TMEM132D: variants seen among roughly 807,000 people sequenced by gnomAD.
The protein encoded by TMEM132D is mature OL transmembrane protein.
A neutral mutation model predicts 62.3 loss-of-function variants in TMEM132D; 21 were observed. The observed-to-expected ratio is 0.34, with a 90% confidence interval of 0.24 to 0.49. The LOEUF is 0.49. Among genes scored for constraint, TMEM132D ranks in the 20% least tolerant of loss-of-function variants. The pLI is 0.99. For synonymous variants in TMEM132D, 621 were observed against 575.6 expected, an observed-to-expected ratio of 1.08 and a Z score of -1.13; for missense variants, 1,346 against 1,402.8, an observed-to-expected ratio of 0.96 and a Z score of 0.65.
At chr12:129,628,334 G>A (rs1444903757) in intron 2 of TMEM132D, among the ~76,000 whole-genome samples, 1 of 152,184 alleles carries the variant, frequency 6.6e-6, no homozygotes, top group Non-Finnish European at 1.5e-5. Flanking sequence ...CTGAGTGACA[G>A]ATCCAAGGCA....
chr12:129,491,550 G>A (rs1345925317), intron 3 of TMEM132D, among the ~76,000 whole-genome samples: 1 of 152,166 alleles, frequency 6.6e-6, no homozygotes, highest in Non-Finnish European at 1.5e-5. Context: ...ACTCCATGCG[G>A]TCACTTAGGT....
chr12:129,215,856 G>C lies in TMEM132D; in HGVS notation c.1300-6193C>G, dbSNP rs117708986. ...CATGTCTTACATGGCGTGGGGCAAA[G>C]AGAGAAGGAGAGCCAAGTGAAAGGG... On this transcript the variant is annotated intron_variant, in intron 4 of 8. Transcript: ENST00000422113. Among the ~76,000 whole-genome samples, 732 of 152,328 alleles carry C rather than the reference G, an allele frequency of 4.8e-3. 6 individuals are homozygous for C. Among genetic ancestry groups the C allele is most frequent in the Middle Eastern group, 0.01 (3 of 294 alleles).
At position 129,371,535 on chromosome 12, in the gene TMEM132D, T is replaced by TATG. The variant is rs558922183; in HGVS notation, c.1116-33721_1116-33719dup. Among the ~76,000 whole-genome samples the TATG allele has an allele frequency of 1.5e-4, 22 of 150,906 alleles. No individual in the cohort carries two copies. The highest frequency in any genetic ancestry group is 4.2e-4 in the South Asian group (2 of 4,728). On this transcript the variant is annotated intron_variant, in intron 3 of 8. Transcript: ENST00000422113. This position sits in a 1 kb window ranked among gnomAD's most constrained non-coding sequence, Gnocchi z 4.3. ...TAATGGTGGTGATTATGATGATGAT[T>TATG]ATGATGATGATGATGATGATGGCGA...
At chr12:129,353,233 C>T (rs1869927843) in intron 3 of TMEM132D, among the ~76,000 whole-genome samples, 1 of 151,996 alleles carries the variant, frequency 6.6e-6, no homozygotes, top group African/African-American at 2.4e-5. Flanking sequence ...TATCTGTGCT[C>T]TTGGAAGTAT....
In TMEM132D at chr12:129,161,033, G is replaced by A. The variant is rs1047426037; in HGVS notation, c.1443+48487C>T. Among the ~76,000 whole-genome samples the A allele has an allele frequency of 6.6e-5, 10 of 152,142 alleles. No individual in the cohort carries two copies. The South Asian group carries it at 1.0e-3, about 16-fold the overall frequency. On this transcript the variant is annotated intron_variant, in intron 5 of 8. Transcript: ENST00000422113. ...GGATTCTGCCCAGAGCATACTATGC[G>A]CTAAAAATGCATTGAATGAGTAAAA... is the stretch of plus-strand genomic sequence containing the variant.
At chr12:129,476,276 T>G (rs1459527505) in intron 3 of TMEM132D, among the ~76,000 whole-genome samples, 2 of 152,264 alleles carry the variant, frequency 1.3e-5, no homozygotes, top group Non-Finnish European at 2.9e-5. Flanking sequence ...GTAGGGCTAT[T>G]GCCTTTGCTT....
chr12:129,621,840 A>T (rs1267594826), intron 2 of TMEM132D, among the ~76,000 whole-genome samples: 1 of 152,214 alleles, frequency 6.6e-6, no homozygotes, highest in East Asian at 1.9e-4. Context: ...GTGGTCTGGG[A>T]CTAGAGCCCC....
intron 5 of TMEM132D, among the ~76,000 whole-genome samples, chr12:129,191,080 T>C (rs1878386395): frequency 6.6e-6 from 1 of 152,130 alleles, no homozygotes; most frequent in South Asian, 2.1e-4. Flanking sequence ...GACCTGGCTA[T>C]TTCCTCTCCA....
At chr12:129,464,587 G>C (rs903440080) in intron 3 of TMEM132D, among the ~76,000 whole-genome samples, 7 of 152,132 alleles carry the variant, frequency 4.6e-5, no homozygotes, top group African/African-American at 1.7e-4. Flanking sequence ...TTTTCTTCTA[G>C]GGTTTTTATG....
intron 3 of TMEM132D, among the ~76,000 whole-genome samples, chr12:129,441,463 C>T (rs1249257448): frequency 6.6e-6 from 1 of 152,132 alleles, no homozygotes; most frequent in African/African-American, 2.4e-5. Flanking sequence ...ACTAGAGACG[C>T]CTGCGAGGAG....
intron 2 of TMEM132D, among the ~76,000 whole-genome samples, chr12:129,651,354 T>A (rs1337610144): frequency 1.3e-5 from 2 of 152,234 alleles, no homozygotes; most frequent in Non-Finnish European, 2.9e-5. Context: ...GCACCAGTGC[T>A]TTTCAATTTA....
intron 1 of TMEM132D, among the ~76,000 whole-genome samples, chr12:129,847,192 A>G (rs1334890173): frequency 6.6e-6 from 1 of 152,128 alleles, no homozygotes; most frequent in Non-Finnish European, 1.5e-5. Context: ...CTGTTTGGCA[A>G]CTGCAACCAA....
chr12:129,680,178 G>A (rs879423496), intron 2 of TMEM132D, among the ~76,000 whole-genome samples: 2 of 152,168 alleles, frequency 1.3e-5, no homozygotes, highest in South Asian at 4.1e-4. Context: ...AAGGGCAAAA[G>A]GTTAGTATTA....
chr12:129,785,688 T>C (rs1031988700), intron 1 of TMEM132D, among the ~76,000 whole-genome samples: 3 of 152,184 alleles, frequency 2.0e-5, no homozygotes, highest in African/African-American at 7.2e-5. Context: ...GGTGCCTAGA[T>C]CTCCAACTTC....
intron 3 of TMEM132D, among the ~76,000 whole-genome samples, chr12:129,463,915 A>T (rs978817329): frequency 6.6e-5 from 10 of 150,430 alleles, no homozygotes; most frequent in African/African-American, 2.5e-4. Flanking sequence ...TGCTATTGTG[A>T]ATAGTGCCGC....
intron 4 of TMEM132D, among the ~76,000 whole-genome samples, chr12:129,302,454 G>A (rs996329095): frequency 7.9e-5 from 12 of 152,216 alleles, no homozygotes; most frequent in Non-Finnish European, 1.6e-4. Flanking sequence ...ATATGTCTCC[G>A]AGGGCTCTCC....
At chr12:129,218,553 C>T (rs1044052646) in intron 4 of TMEM132D, among the ~76,000 whole-genome samples, 1 of 152,156 alleles carries the variant, frequency 6.6e-6, no homozygotes, top group Non-Finnish European at 1.5e-5. Context: ...AATACAGTAG[C>T]ATAATCTTAT....
chr12:129,308,872 C>T (rs1030359577), intron 4 of TMEM132D, among the ~76,000 whole-genome samples: 8 of 152,172 alleles, frequency 5.3e-5, no homozygotes, highest in African/African-American at 1.9e-4. Flanking sequence ...ATAGTAGCTG[C>T]AGATGGATAT....
At chr12:129,325,369 T>C (rs1236295970) in intron 4 of TMEM132D, among the ~76,000 whole-genome samples, 1 of 152,112 alleles carries the variant, frequency 6.6e-6, no homozygotes, top group Non-Finnish European at 1.5e-5. Flanking sequence ...GAAAAGGCCT[T>C]ACTGTTGAGG....
Sources: gnomAD v4.1 joint callset for allele counts (sites outside exome capture counted in the v4.1 genomes callset) on GRCh38, gnomAD v4.1.1 for gene constraint, Gnocchi (gnomAD v3.1) non-coding constraint, MANE v1.5 for transcripts, NCBI Gene and HGNC (gene_info 2026-07-23, HGNC 2026-07-21) for gene names.